The following MECOM variants were observed in gnomAD, a reference collection of about 807,000 sequenced individuals.
MECOM encodes the protein MDS1 and EVI1 complex locus.
A neutral mutation model predicts 116.3 loss-of-function variants in MECOM; 13 were observed. The ratio of observed to expected loss-of-function variants is 0.11; its 90% CI spans 0.07 to 0.18. The LOEUF is 0.18. Among genes scored for constraint, MECOM ranks in the 10% least tolerant of loss-of-function variants. The pLI, the probability that MECOM is intolerant of heterozygous loss-of-function variation, is 1.00. For synonymous variants in MECOM, 528 were observed against 535.2 expected (o/e 0.99, Z 0.19); for missense variants, 1,299 against 1,509.0 (o/e 0.86, Z 2.31).
chr3:169,120,687 A>T (rs970140025), intron 7 of MECOM, among the ~76,000 whole-genome samples: 1 of 152,176 alleles, frequency 6.6e-6, no homozygotes, highest in Non-Finnish European at 1.5e-5. Context: ...TAATCACTTC[A>T]TCTTGTTTAG....
At chr3:169,445,576 T>C (rs191872237) in intron 1 of MECOM, among the ~76,000 whole-genome samples, 39 of 152,262 alleles carry the variant, frequency 2.6e-4, no homozygotes, top group Non-Finnish European at 2.6e-4. Context: ...GCCAGGGCAG[T>C]GCAGTAGGGA....
intron 7 of MECOM, among the ~76,000 whole-genome samples, chr3:169,117,834 G>A (rs1409559825): frequency 6.6e-6 from 1 of 152,112 alleles, no homozygotes; most frequent in African/African-American, 2.4e-5. Flanking sequence ...TCACTTCACT[G>A]TCCAGCAGTA....
At chr3:169,280,447 T>C (rs1238852612) in intron 2 of MECOM, among the ~76,000 whole-genome samples, 5 of 152,186 alleles carry the variant, frequency 3.3e-5, no homozygotes, top group Non-Finnish European at 7.3e-5. Flanking sequence ...TCCTGCTATC[T>C]CACTAGATTG....
chr3:169,501,941 A>G (rs1754592118), intron 1 of MECOM, among the ~76,000 whole-genome samples: 1 of 152,168 alleles, frequency 6.6e-6, no homozygotes, highest in African/African-American at 2.4e-5. Context: ...TCAAATAATT[A>G]TACTGGCTGA....
intron 1 of MECOM, among the ~76,000 whole-genome samples, chr3:169,475,048 T>G (rs1295774727): frequency 6.6e-6 from 1 of 151,712 alleles, no homozygotes; most frequent in Non-Finnish European, 1.5e-5. Flanking sequence ...CCTACTGTAT[T>G]CTCCTCAGGC....
chr3:169,133,110 T>TAC (rs112130257), intron 3 of MECOM, among the ~76,000 whole-genome samples: 15,151 of 147,282 alleles, frequency 0.1, 2,274 homozygotes, highest in African/African-American at 0.33. Context: ...GCAAAACACA[T>TAC]ACACACACAC....
At chr3:169,569,654 A>T (rs994530437) in intron 1 of MECOM, among the ~76,000 whole-genome samples, 2 of 152,232 alleles carry the variant, frequency 1.3e-5, no homozygotes, top group Non-Finnish European at 2.9e-5. Context: ...AGTGCAATCA[A>T]ATTAGAACTC....
intron 1 of MECOM, among the ~76,000 whole-genome samples, chr3:169,480,427 A>G (rs1193408119): frequency 6.6e-6 from 1 of 151,934 alleles, no homozygotes; most frequent in Admixed American, 6.6e-5. Flanking sequence ...CCTCCTTCTC[A>G]TCTGCTCTCA....
At chr3:169,627,513 T>C (rs969266059) in intron 1 of MECOM, among the ~76,000 whole-genome samples, 85 of 152,260 alleles carry the variant, frequency 5.6e-4, no homozygotes, top group African/African-American at 2.0e-3. Flanking sequence ...TGTTGTACTT[T>C]AATCAGAGAT....
rs557012815 is a variant in MECOM at position 169,090,376 on chromosome 3, G to A, written c.3165-140C>T. 5.1e-4 allele frequency: 359 copies of A among 699,096 alleles called. 2 individuals carry two copies. The South Asian group carries it at 7.1e-3, about 14-fold the overall frequency. The allele number at this position is 699,096 out of a possible 1,614,324, so 43.3% of individuals were successfully genotyped here. On this transcript the variant is annotated intron_variant, in intron 14 of 16. Coordinates refer to ENST00000651503, the MANE Select transcript of MECOM (RefSeq NM_004991.4). ...AAATGTTTTATTGTTTATGCTCTAC[G>A]TCAACCATGAAAAAATAATGTGACT...
At chr3:169,410,989 C>A (rs745415490) in intron 1 of MECOM, among the ~76,000 whole-genome samples, 38 of 152,078 alleles carry the variant, frequency 2.5e-4, no homozygotes, top group Admixed American at 4.6e-4. Flanking sequence ...GTAAGCATAG[C>A]TCCTGCCCAT....
At chr3:169,392,343 T>C (rs548244734) in intron 1 of MECOM, among the ~76,000 whole-genome samples, 57 of 152,322 alleles carry the variant, frequency 3.7e-4, no homozygotes, top group Admixed American at 2.3e-3. Context: ...ATGCTTCAAT[T>C]GCACATTCCA....
At chr3:169,137,662 A>T (rs1412305623) in intron 3 of MECOM, among the ~76,000 whole-genome samples, 5 of 152,128 alleles carry the variant, frequency 3.3e-5, no homozygotes, top group Non-Finnish European at 7.4e-5. Context: ...CTAAATGAAA[A>T]ATATGACTCC....
At chr3:169,341,751 A>G (rs1043947181) in intron 2 of MECOM, among the ~76,000 whole-genome samples, 2 of 151,818 alleles carry the variant, frequency 1.3e-5, no homozygotes, top group Non-Finnish European at 2.9e-5. Context: ...AAAAAAAAAA[A>G]AGAACAAATG....
intron 2 of MECOM, among the ~76,000 whole-genome samples, chr3:169,380,419 A>C (rs568067983): frequency 6.6e-6 from 1 of 152,284 alleles, no homozygotes; most frequent in Admixed American, 6.5e-5. Context: ...AATCTGTATA[A>C]AACTTACACT....
chr3:169,416,365 C>G (rs542336149), intron 1 of MECOM, among the ~76,000 whole-genome samples: 10 of 152,234 alleles, frequency 6.6e-5, no homozygotes, highest in Admixed American at 2.0e-4. Flanking sequence ...GCCTAGGATA[C>G]AGCTAAAGCA....
At chr3:169,097,840 A>AAAAAAAAAAAAAAAAG (rs1722193549) in intron 12 of MECOM, among the ~76,000 whole-genome samples, 1 of 140,600 alleles carries the variant, frequency 7.1e-6, no homozygotes, top group Non-Finnish European at 1.5e-5. Flanking sequence ...AAAAAAAAAA[A>AAAAAAAAAAAAAAAAG]GGTGGATTCC....
At chr3:169,648,167 A>T (rs929260161) in intron 1 of MECOM, among the ~76,000 whole-genome samples, 1 of 152,232 alleles carries the variant, frequency 6.6e-6, no homozygotes, top group Non-Finnish European at 1.5e-5. Flanking sequence ...CACATTCTAC[A>T]AGTCCTGGCC....
chr3:169,274,478 A>G (rs2149664607), intron 2 of MECOM, among the ~76,000 whole-genome samples: 1 of 152,308 alleles, frequency 6.6e-6, no homozygotes, highest in East Asian at 1.9e-4. Flanking sequence ...GGGGTTGAGC[A>G]GGAAGAAATC....
Sources: allele counts gnomAD v4.1 joint callset (sites outside exome capture counted in the v4.1 genomes callset), GRCh38; gene constraint gnomAD v4.1.1; transcripts MANE v1.5; gene names NCBI Gene and HGNC (gene_info 2026-07-23, HGNC 2026-07-21).